KLHL4: variants seen among roughly 807,000 people sequenced by gnomAD.
KLHL4 encodes kelch like family member 4, also known as kelch-like protein 4.
A neutral mutation model predicts 45.8 loss-of-function variants in KLHL4; 17 were observed. That is an observed-to-expected ratio of 0.37 (90% confidence interval 0.25 to 0.56). The LOEUF (loss-of-function observed/expected upper bound fraction) is 0.56. KLHL4 is among the 20% of genes least tolerant of loss of function. The pLI, the probability that KLHL4 is intolerant of heterozygous loss-of-function variation, is 0.79. For synonymous variants in KLHL4, 224 were observed against 189.9 expected (o/e 1.18, Z -1.47); for missense variants, 544 against 544.9 (o/e 1.00, Z 0.02).
In KLHL4 at chrX:87,520,223, G is replaced by C. The variant is rs759728849; in HGVS notation, c.422+1908G>C. ...TTGGTCCAGCATCATTTGAGAAGGA[G>C]CTTTCTGATGCCTTGCTTCTCCAGT... On this transcript the variant is annotated intron_variant, in intron 1 of 10. Coordinates refer to ENST00000373119, the MANE Select transcript of KLHL4 (RefSeq NM_019117.5). 2.7e-5 allele frequency among the ~76,000 whole-genome samples: 3 copies of C among 112,334 alleles called. No individual in the cohort carries two copies. The Admixed American group carries it at 2.8e-4, about 11-fold the overall frequency.
chrX:87,626,076 T>A (rs1030816785), intron 6 of KLHL4, among the ~76,000 whole-genome samples: 2 of 112,229 alleles, frequency 1.8e-5, no homozygotes, highest in African/African-American at 6.5e-5. Flanking sequence ...AAGGAAAACT[T>A]ATTTAATGTT....
chrX:87,582,007 A>G (rs1921296420), intron 1 of KLHL4, among the ~76,000 whole-genome samples: 2 of 112,002 alleles, frequency 1.8e-5, no homozygotes, highest in Non-Finnish European at 3.8e-5. Flanking sequence ...CAATATAGAG[A>G]GGATCATAAC....
intron 9 of KLHL4, among the ~76,000 whole-genome samples, chrX:87,646,345 T>G (rs1204985823): frequency 9.0e-6 from 1 of 111,356 alleles, no homozygotes; most frequent in African/African-American, 3.3e-5. Context: ...ATTCAATGCA[T>G]TTGCCTTTAT....
At chrX:87,542,872 A>G (rs200153185) in intron 1 of KLHL4, among the ~76,000 whole-genome samples, 1 of 111,698 alleles carries the variant, frequency 9.0e-6, no homozygotes, top group East Asian at 2.8e-4. Flanking sequence ...GGAAGGAGCC[A>G]GAGGCAGAAT....
chrX:87,650,619 G>T (rs930768017), intron 9 of KLHL4, among the ~76,000 whole-genome samples: 1 of 112,035 alleles, frequency 8.9e-6, no homozygotes, highest in African/African-American at 3.2e-5. Flanking sequence ...TATGATAGTA[G>T]CTCTTGGTTT....
chrX:87,586,787 A>G (rs1376231702), intron 1 of KLHL4, among the ~76,000 whole-genome samples: 2 of 111,613 alleles, frequency 1.8e-5, no homozygotes, highest in Admixed American at 9.6e-5. Context: ...CAGAGCTAAA[A>G]TAAATGACAT....
intron 1 of KLHL4, among the ~76,000 whole-genome samples, chrX:87,579,976 T>C (rs1167220569): frequency 8.9e-6 from 1 of 112,046 alleles, no homozygotes; most frequent in Non-Finnish European, 1.9e-5. Flanking sequence ...CATTTTAGTA[T>C]AACATTAATT....
At chrX:87,629,497 A>G (rs1209091928) in intron 6 of KLHL4, among the ~76,000 whole-genome samples, 2 of 110,944 alleles carry the variant, frequency 1.8e-5, no homozygotes, top group African/African-American at 3.3e-5. Flanking sequence ...TAATGCCTTG[A>G]AAAGTTTAAC....
chrX:87,542,074 A>G (rs1252843763), intron 1 of KLHL4, among the ~76,000 whole-genome samples: 2 of 112,006 alleles, frequency 1.8e-5, no homozygotes, highest in Non-Finnish European at 3.8e-5. Flanking sequence ...GATTTAGGGT[A>G]TCTGGCAGAA....
intron 1 of KLHL4, among the ~76,000 whole-genome samples, chrX:87,566,706 G>A (rs1024556145): frequency 2.7e-5 from 3 of 111,668 alleles, no homozygotes; most frequent in Non-Finnish European, 5.6e-5. Context: ...CTAGCAAACC[G>A]AATCTAGCGT....
intron 1 of KLHL4, among the ~76,000 whole-genome samples, chrX:87,552,393 T>TAAAAAC (rs1931849080): frequency 9.1e-6 from 1 of 109,635 alleles, no homozygotes. Flanking sequence ...AAAATAAAAA[T>TAAAAAC]AAAAACAGCA....
chrX:87,555,466 A>G (rs1410072917), intron 1 of KLHL4, among the ~76,000 whole-genome samples: 1 of 111,054 alleles, frequency 9.0e-6, no homozygotes, highest in African/African-American at 3.3e-5. Flanking sequence ...CGTGTCGAGG[A>G]ATTTATCCAT....
At chrX:87,614,698 C>T in intron 3 of KLHL4, 128 bp downstream of exon 3, 1 of 548,171 alleles carries the variant, frequency 1.8e-6, no homozygotes, top group East Asian at 3.9e-5. Context: ...ACTGCTACTA[C>T]AACTACAAAG....
At chrX:87,537,082 A>G (rs1602404977) in intron 1 of KLHL4, among the ~76,000 whole-genome samples, 1 of 111,884 alleles carries the variant, frequency 8.9e-6, no homozygotes, top group East Asian at 2.8e-4. Context: ...TTTATATTTT[A>G]AATGTGTATC....
intron 1 of KLHL4, among the ~76,000 whole-genome samples, chrX:87,591,612 C>G (rs188127020): frequency 1.8e-5 from 2 of 111,798 alleles, no homozygotes; most frequent in East Asian, 5.6e-4. Context: ...TGTCTTCACT[C>G]TATGGTTGCC....
chrX:87,664,726 G>T, intron 9 of KLHL4, 38 bp from the exon 10 acceptor site: 2 of 1,022,646 alleles, frequency 2.0e-6, no homozygotes, highest in Non-Finnish European at 2.7e-6. Flanking sequence ...TAACTCTATT[G>T]GACTTTTCCT....
At chrX:87,545,905 G>C (rs1486332034) in intron 1 of KLHL4, among the ~76,000 whole-genome samples, 2 of 111,806 alleles carry the variant, frequency 1.8e-5, no homozygotes, top group Non-Finnish European at 3.8e-5. Context: ...CTTTAGCAAA[G>C]AGACTGGCAG....
At chrX:87,633,161 G>T (rs933947363) in intron 7 of KLHL4, among the ~76,000 whole-genome samples, 1 of 111,233 alleles carries the variant, frequency 9.0e-6, no homozygotes, top group Non-Finnish European at 1.9e-5. Context: ...CCACTGAGAG[G>T]TTGATTGGGA....
intron 9 of KLHL4, among the ~76,000 whole-genome samples, chrX:87,659,587 T>G: frequency 1.5e-5 from 1 of 65,339 alleles, no homozygotes; most frequent in Admixed American, 1.4e-4. Flanking sequence ...TTCTTTATTA[T>G]ATTTTTTTTA....
Sources: allele counts gnomAD v4.1 joint callset (sites outside exome capture counted in the v4.1 genomes callset), GRCh38; gene constraint gnomAD v4.1.1; transcripts MANE v1.5; gene names NCBI Gene and HGNC (gene_info 2026-07-23, HGNC 2026-07-21).